The following RAP1A variants were observed in gnomAD, a reference collection of about 807,000 sequenced individuals.
RAP1A encodes ras-related protein Rap-1A.
RAP1A carries 6 observed loss-of-function variants against 26.4 expected under a neutral mutation model. That is an observed-to-expected ratio of 0.23 (90% CI 0.12 to 0.45). RAP1A has a LOEUF of 0.45. Ranked by LOEUF, RAP1A falls within the 20% of genes least tolerant of loss-of-function variation. The probability of loss-of-function intolerance (pLI) is 0.99; values close to 1 mark genes in which losing one functional copy is unlikely to be tolerated. For missense variants in RAP1A, 121 were observed against 217.2 expected, an observed-to-expected ratio of 0.56 and a Z score of 2.78; for synonymous variants, 73 against 79.4, an observed-to-expected ratio of 0.92 and a Z score of 0.43.
At chr1:111,580,315 A>G (rs896613367) in intron 1 of RAP1A, among the ~76,000 whole-genome samples, 2 of 152,186 alleles carry the variant, frequency 1.3e-5, no homozygotes, top group Admixed American at 1.3e-4. Context: ...ACTGTGCTCC[A>G]TGGCTAGATA....
intron 1 of RAP1A, among the ~76,000 whole-genome samples, chr1:111,557,260 T>TA (rs1440050513): frequency 6.6e-6 from 1 of 152,080 alleles, no homozygotes; most frequent in African/African-American, 2.4e-5. Flanking sequence ...TTAAAAATCT[T>TA]ACAGAAGGCC....
chr1:111,613,109 A>G (rs200202989), intron 1 of RAP1A, among the ~76,000 whole-genome samples: 1 of 151,806 alleles, frequency 6.6e-6, no homozygotes, highest in African/African-American at 2.4e-5. Flanking sequence ...CCTCTACATC[A>G]TAAGATCAGT....
At chr1:111,612,110 T>C (rs1658935584) in intron 1 of RAP1A, among the ~76,000 whole-genome samples, 1 of 152,108 alleles carries the variant, frequency 6.6e-6, no homozygotes. Context: ...AAGGGCGGGT[T>C]GGTCTGATGC....
intron 1 of RAP1A, among the ~76,000 whole-genome samples, chr1:111,626,219 G>A (rs1018915319): frequency 6.6e-6 from 1 of 152,002 alleles, no homozygotes; most frequent in African/African-American, 2.4e-5. Context: ...CTATTTTGGT[G>A]GTCTTGTTTT....
intron 1 of RAP1A, chr1:111,599,796 A>AAG (rs1658635466): frequency 6.6e-6 from 1 of 152,212 alleles, no homozygotes; most frequent in African/African-American, 2.4e-5. Context: ...TCTCATGTTG[A>AAG]AATGTAATCC....
chr1:111,638,600 A>AT (rs1297969949), intron 1 of RAP1A, among the ~76,000 whole-genome samples: 2 of 151,942 alleles, frequency 1.3e-5, no homozygotes, highest in Non-Finnish European at 2.9e-5. Context: ...AACTTTTTGT[A>AT]TTTTTTGTAG....
intron 1 of RAP1A, among the ~76,000 whole-genome samples, chr1:111,649,811 A>G (rs951836787): frequency 6.6e-6 from 1 of 152,152 alleles, no homozygotes; most frequent in Admixed American, 6.5e-5. Flanking sequence ...TTAGGTTCCT[A>G]AGACCTGGAA....
At chr1:111,554,911 C>T (rs1657418267) in intron 1 of RAP1A, among the ~76,000 whole-genome samples, 1 of 151,610 alleles carries the variant, frequency 6.6e-6, no homozygotes, top group Non-Finnish European at 1.5e-5. Context: ...ACAAAATTCC[C>T]TGAGTAAGGG....
At chr1:111,576,279 T>C (rs148541787) in intron 1 of RAP1A, among the ~76,000 whole-genome samples, 1 of 152,296 alleles carries the variant, frequency 6.6e-6, no homozygotes, top group Non-Finnish European at 1.5e-5. Context: ...TAAGGAGAGT[T>C]ATAAACCCTT....
At chr1:111,641,988 T>C (rs567981200) in intron 1 of RAP1A, among the ~76,000 whole-genome samples, 2 of 152,334 alleles carry the variant, frequency 1.3e-5, no homozygotes, top group Admixed American at 1.3e-4. Flanking sequence ...CTCAAACCTA[T>C]AATCCCAGCA....
chr1:111,681,659 T>A (rs1661298583), intron 1 of RAP1A, among the ~76,000 whole-genome samples: 1 of 151,998 alleles, frequency 6.6e-6, no homozygotes, highest in Non-Finnish European at 1.5e-5. Context: ...GAAAATAGAA[T>A]GAAAAGGAAT....
chr1:111,586,875 A>C (rs1235823861), intron 1 of RAP1A, among the ~76,000 whole-genome samples: 2 of 152,212 alleles, frequency 1.3e-5, no homozygotes, highest in Admixed American at 6.5e-5. Context: ...GGCTAAAATC[A>C]TGGCGACCCA....
chr1:111,584,210 T>C (rs1557857907), intron 1 of RAP1A, among the ~76,000 whole-genome samples: 1 of 152,138 alleles, frequency 6.6e-6, no homozygotes, highest in African/African-American at 2.4e-5. Flanking sequence ...GTGAATGTCA[T>C]GCATAGAGAA....
At chr1:111,576,407 A>G (rs1658148133) in intron 1 of RAP1A, among the ~76,000 whole-genome samples, 1 of 152,236 alleles carries the variant, frequency 6.6e-6, no homozygotes, top group African/African-American at 2.4e-5. Flanking sequence ...TATATATATA[A>G]TAATTCAGGA....
chr1:111,712,052 C>T (rs543081), intron 7 of RAP1A, among the ~76,000 whole-genome samples: 19,990 of 151,972 alleles, frequency 0.13, 1,524 homozygotes, highest in East Asian at 0.21. Flanking sequence ...CAGGTGTGTC[C>T]TTCAGTAAAA....
intron 1 of RAP1A, among the ~76,000 whole-genome samples, chr1:111,579,081 G>A (rs1658200157): frequency 6.6e-6 from 1 of 152,154 alleles, no homozygotes; most frequent in South Asian, 2.1e-4. Context: ...CCACCCTCCT[G>A]GCGTCTCCTA....
intron 1 of RAP1A, among the ~76,000 whole-genome samples, chr1:111,640,897 G>A (rs1176641365): frequency 2.0e-5 from 3 of 152,196 alleles, no homozygotes; most frequent in African/African-American, 7.2e-5. Context: ...ATGGGAGGTT[G>A]AGGCTGCAGT....
chr1:111,549,211 C>A (rs1289170118), intron 1 of RAP1A, among the ~76,000 whole-genome samples: 1 of 151,672 alleles, frequency 6.6e-6, no homozygotes, highest in African/African-American at 2.4e-5. Flanking sequence ...TAGGAAGTAT[C>A]CCCTGCCCTT....
At chr1:111,554,600 G>A (rs1313363585) in intron 1 of RAP1A, among the ~76,000 whole-genome samples, 1 of 152,182 alleles carries the variant, frequency 6.6e-6, no homozygotes, top group Non-Finnish European at 1.5e-5. Context: ...CATATGCTCA[G>A]TGAATAATTA....
Sources: allele counts gnomAD v4.1 joint callset (sites outside exome capture counted in the v4.1 genomes callset), GRCh38; gene constraint gnomAD v4.1.1; transcripts MANE v1.5; gene names NCBI Gene and HGNC (gene_info 2026-07-23, HGNC 2026-07-21).